Variants in SYN3 observed in about 807,000 individuals in gnomAD.
SYN3 encodes synapsin-3.
SYN3 carries 35 observed loss-of-function variants against 65.8 expected under a neutral mutation model. That is an observed-to-expected ratio of 0.53 (90% CI 0.41 to 0.70). The LOEUF (loss-of-function observed/expected upper bound fraction) is 0.70. SYN3 is among the 30% of genes least tolerant of loss of function. The pLI is 0.00. For missense variants in SYN3, 680 were observed against 749.0 expected (o/e 0.91, Z 1.08); for synonymous variants, 270 against 292.9 (o/e 0.92, Z 0.80).
chr22:32,513,558 G>T lies in SYN3; in HGVS notation c.*134C>A. ...AACAAATATAGATAATCGGTTCCTGGGTCAAAGGCATTTAGAAAGTATGTT... is the reference window on the plus strand; with the variant it reads ...AACAAATATAGATAATCGGTTCCTGTGTCAAAGGCATTTAGAAAGTATGTT... On this transcript the variant is annotated 3_prime_UTR_variant, in exon 14 of 14. Coordinates refer to ENST00000358763, the MANE Select transcript of SYN3 (RefSeq NM_003490.4). 1 of 1,189,432 alleles carries T rather than the reference G, an allele frequency of 8.4e-7. No individual in the cohort carries two copies. Among genetic ancestry groups the T allele is most frequent in the Non-Finnish European group, 1.2e-6 (1 of 852,914 alleles). 73.7% of individuals were successfully genotyped at this position (1,189,432 alleles called of 1,614,324 possible).
At chr22:32,704,298 A>T (rs1200937283) in intron 6 of SYN3, among the ~76,000 whole-genome samples, 1 of 152,058 alleles carries the variant, frequency 6.6e-6, no homozygotes, top group Non-Finnish European at 1.5e-5. Context: ...GCTCCCACTT[A>T]TAAGTCAGAA....
intron 3 of SYN3, among the ~76,000 whole-genome samples, chr22:32,961,560 T>A: frequency 6.6e-6 from 1 of 152,238 alleles, no homozygotes; most frequent in Non-Finnish European, 1.5e-5. Context: ...TTATCCATAA[T>A]TTACCATCCT....
intron 6 of SYN3, among the ~76,000 whole-genome samples, chr22:32,829,892 C>T (rs2047524053): frequency 6.6e-6 from 1 of 152,258 alleles, no homozygotes; most frequent in African/African-American, 2.4e-5. Context: ...GCGACCCTGA[C>T]AGACTTAAAT....
chr22:33,040,225 T>C (rs748038254), intron 1 of SYN3, among the ~76,000 whole-genome samples: 5 of 152,132 alleles, frequency 3.3e-5, no homozygotes, highest in Non-Finnish European at 7.4e-5. Flanking sequence ...CTCAATCTCC[T>C]GACCCCGTGA....
chr22:32,539,603 G>A (rs527687730), intron 8 of SYN3, among the ~76,000 whole-genome samples: 39 of 152,346 alleles, frequency 2.6e-4, no homozygotes, highest in African/African-American at 9.4e-4. Context: ...AGGCCCGAGT[G>A]CAGGGCAAGG....
At chr22:32,635,105 C>T (rs182728755) in intron 6 of SYN3, 2 of 152,224 alleles carry the variant, frequency 1.3e-5, no homozygotes, top group African/African-American at 4.8e-5. Flanking sequence ...GTATATCGGT[C>T]TACATCTCCC....
chr22:32,768,549 T>C (rs1462885118), intron 6 of SYN3, among the ~76,000 whole-genome samples: 1 of 152,234 alleles, frequency 6.6e-6, no homozygotes, highest in African/African-American at 2.4e-5. Flanking sequence ...AATCAACTGC[T>C]TCCTGGATAT....
intron 7 of SYN3, among the ~76,000 whole-genome samples, chr22:32,556,962 T>G (rs2146331352): frequency 6.6e-6 from 1 of 151,974 alleles, no homozygotes; most frequent in East Asian, 1.9e-4. Flanking sequence ...CCCAGCCTAG[T>G]CAATCTATAC....
chr22:32,839,137 T>C (rs1307412893), intron 6 of SYN3, among the ~76,000 whole-genome samples: 1 of 151,830 alleles, frequency 6.6e-6, no homozygotes, highest in Non-Finnish European at 1.5e-5. Flanking sequence ...GTTCATATAG[T>C]GATGGGGGCT....
intron 6 of SYN3, among the ~76,000 whole-genome samples, chr22:32,785,450 A>AAGATGG (rs1828176810): frequency 6.6e-6 from 1 of 152,186 alleles, no homozygotes; most frequent in African/African-American, 2.4e-5. Context: ...CCTTCTCTGT[A>AAGATGG]AGATGGAGTC....
Position 32,801,917 on chromosome 22 carries a change from TCGGGCTGCAGCAGCCC to T in SYN3, c.711+62982_711+62997del. Reference sequence around the variant, plus strand: ...CGCACGGCCCGGCGGGCGAGCGAGCTCGGGCTGCAGCAGCCCCGCCGGCGGCGCGCACGGCAACTTT... The same window carrying T: ...CGCACGGCCCGGCGGGCGAGCGAGCTCGCCGGCGGCGCGCACGGCAACTTT... On this transcript the variant is annotated intron_variant, in intron 6 of 13. Coordinates refer to ENST00000358763, the MANE Select transcript of SYN3 (RefSeq NM_003490.4). The surrounding 1 kb of genome is among the most constrained non-coding windows in gnomAD (Gnocchi z 4.7). 1 of 1,466,260 alleles carries T rather than the reference TCGGGCTGCAGCAGCCC, an allele frequency of 6.8e-7. No individual in the cohort carries two copies. The highest frequency in any genetic ancestry group is 9.0e-7 in the Non-Finnish European group (1 of 1,114,112). The allele number at this position is 1,466,260 out of a possible 1,614,324, so 90.8% of individuals were successfully genotyped here. A position where few individuals can be genotyped will look rare whatever the true frequency, so the allele number is the denominator to read the frequency against.
chr22:32,764,502 C>T (rs761466376), intron 6 of SYN3, among the ~76,000 whole-genome samples: 7 of 152,138 alleles, frequency 4.6e-5, no homozygotes, highest in South Asian at 2.1e-4. Context: ...GGGCTGCTTT[C>T]GGATCACGAG....
intron 3 of SYN3, among the ~76,000 whole-genome samples, chr22:32,938,157 T>C (rs1040414095): frequency 3.9e-5 from 6 of 152,114 alleles, no homozygotes; most frequent in Non-Finnish European, 7.4e-5. Flanking sequence ...GAAACAAAGA[T>C]AAGAATGATA....
intron 6 of SYN3, among the ~76,000 whole-genome samples, chr22:32,602,897 T>G (rs568451297): frequency 6.6e-6 from 1 of 152,298 alleles, no homozygotes; most frequent in South Asian, 2.1e-4. Context: ...TGTACACATG[T>G]CCTTATGAGC....
intron 6 of SYN3, among the ~76,000 whole-genome samples, chr22:32,653,870 C>T (rs560660913): frequency 1.2e-4 from 18 of 152,222 alleles, no homozygotes; most frequent in Non-Finnish European, 2.5e-4. Flanking sequence ...AAGGTATCTC[C>T]TCTCTCTCCC....
At chr22:33,048,822 G>A (rs1257954859) in intron 1 of SYN3, among the ~76,000 whole-genome samples, 2 of 152,180 alleles carry the variant, frequency 1.3e-5, no homozygotes, top group Admixed American at 6.5e-5. Flanking sequence ...GAAGGTATTA[G>A]AGGCTGTTTA....
At chr22:32,514,516 T>G (rs1318618619) in intron 13 of SYN3, 2 of 152,264 alleles carry the variant, frequency 1.3e-5, no homozygotes, top group African/African-American at 2.4e-5. Flanking sequence ...GATGCCATTC[T>G]GAGTGCTTCC....
chr22:32,524,922 C>T (rs2057950023), intron 12 of SYN3, among the ~76,000 whole-genome samples: 1 of 152,106 alleles, frequency 6.6e-6, no homozygotes, highest in Admixed American at 6.6e-5. Context: ...GGCAGGAGAA[C>T]TGCTTGAACC....
chr22:32,726,066 C>T (rs962375458), intron 6 of SYN3, among the ~76,000 whole-genome samples: 11 of 152,072 alleles, frequency 7.2e-5, no homozygotes, highest in African/African-American at 2.7e-4. Context: ...GTAAGGTGTG[C>T]CATGTGAGGT....
Sources: gnomAD v4.1 joint callset for allele counts (sites outside exome capture counted in the v4.1 genomes callset) on GRCh38, gnomAD v4.1.1 for gene constraint, Gnocchi (gnomAD v3.1) non-coding constraint, MANE v1.5 for transcripts, NCBI Gene and HGNC (gene_info 2026-07-23, HGNC 2026-07-21) for gene names.